YBX3: variants seen among roughly 807,000 people sequenced by gnomAD.
YBX3 encodes the protein Y-box-binding protein 3.
A neutral mutation model predicts 42.4 loss-of-function variants in YBX3; 29 were observed. The ratio of observed to expected loss-of-function variants is 0.68; its 90% CI spans 0.51 to 0.93. The LOEUF is 0.93. Among genes scored for constraint, YBX3 ranks in the 40% least tolerant of loss-of-function variants. The probability of loss-of-function intolerance (pLI) is 0.00; values close to 1 mark genes in which losing one functional copy is unlikely to be tolerated. For missense variants in YBX3, 517 were observed against 527.5 expected (o/e 0.98, Z 0.19); for synonymous variants, 195 against 189.8 (o/e 1.03, Z -0.22).
In YBX3 at chr12:10,710,401, A is replaced by T; in HGVS notation, c.574-287T>A. On this transcript the variant is annotated intron_variant, in intron 5 of 9. Coordinates refer to ENST00000228251, the MANE Select transcript of YBX3 (RefSeq NM_003651.5). ...ATCTCATTAGAACTCGTATCAGCTA[A>T]CCAACCACCCGAAGAGTATCTGCAA... is the stretch of plus-strand genomic sequence containing the variant. 4 of 1,334,104 alleles carry T rather than the reference A, an allele frequency of 3.0e-6. No homozygotes were observed. The East Asian group carries it at 1.0e-4, about 34-fold the overall frequency. 82.6% of individuals were successfully genotyped at this position (1,334,104 alleles called of 1,614,324 possible).
chr12:10,710,666 TTC>T, intron 5 of YBX3: 3 of 993,196 alleles, frequency 3.0e-6, no homozygotes, highest in Non-Finnish European at 4.2e-6. Flanking sequence ...TTCCCAGGCA[TTC>T]TCTCAGAAGT....
At chr12:10,719,233 CTAAACA>C in intron 1 of YBX3, 90 bp from the exon 2 acceptor site, 2 of 1,032,788 alleles carry the variant, frequency 1.9e-6, no homozygotes, top group Non-Finnish European at 2.9e-6. Context: ...TAGACAAAGC[CTAAACA>C]TACCTAAAGA....
At chr12:10,700,957 T>C (rs1456765589) in intron 9 of YBX3, among the ~76,000 whole-genome samples, 3 of 152,228 alleles carry the variant, frequency 2.0e-5, no homozygotes, top group Non-Finnish European at 4.4e-5. Context: ...TTAGGGACTT[T>C]TAGCATCAGT....
At chr12:10,703,920 T>C (rs907198652) in intron 7 of YBX3, 131 bp downstream of exon 7, 31 of 794,910 alleles carry the variant, frequency 3.9e-5, no homozygotes, top group African/African-American at 5.1e-5. Flanking sequence ...ACCTGAAAAC[T>C]CTGGCATGTA....
At chr12:10,719,043 A>G (rs1948294987) in intron 2 of YBX3, 37 bp downstream of exon 2, 2 of 1,585,394 alleles carry the variant, frequency 1.3e-6, no homozygotes, top group Middle Eastern at 3.3e-4. Context: ...CAATGTAAGT[A>G]TAAACTTAAA....
chr12:10,715,766 ATTC>A lies in YBX3; in HGVS notation c.375_377del (p.Lys125del). On this transcript the variant is annotated inframe_deletion, in exon 4 of 10. Coordinates refer to ENST00000228251, the MANE Select transcript of YBX3 (RefSeq NM_003651.5). ...CACTGCGCAGATATTTCCGTGGGTT[ATTC>A]TTCTTGATGGCAGTCTGGAAAGAGA... 1.9e-6 allele frequency: 3 copies of A among 1,614,016 alleles called. No individual in the cohort carries two copies. The highest frequency in any genetic ancestry group is 2.5e-6 in the Non-Finnish European group (3 of 1,179,938).
intron 6 of YBX3, among the ~76,000 whole-genome samples, chr12:10,709,508 C>T (rs934618207): frequency 6.6e-6 from 1 of 152,166 alleles, no homozygotes; most frequent in African/African-American, 2.4e-5. Context: ...GCATTTAATG[C>T]CCCCACTTAA....
At chr12:10,703,219 A>G (rs564150948) in intron 7 of YBX3, 1 of 152,442 alleles carries the variant, frequency 6.6e-6, no homozygotes, top group South Asian at 2.1e-4. Context: ...TATACTTTTT[A>G]TCCTTCAATA....
In YBX3 at chr12:10,699,478, A is replaced by G. The variant is rs913325142; in HGVS notation, c.*211T>C. The G allele has an allele frequency of 6.6e-6, 1 of 152,628 alleles. No homozygotes were observed. The highest frequency in any genetic ancestry group is 6.5e-5 in the Admixed American group (1 of 15,284). 9.5% of individuals were successfully genotyped at this position (152,628 alleles called of 1,614,324 possible). ...AATTCCCAGGTTCTCAGCTTGCTGG[A>G]AAAATTTGTTGACATTTTCTTTTTG... On this transcript the variant is annotated 3_prime_UTR_variant, in exon 10 of 10. Transcript: ENST00000228251.
chr12:10,713,300 C>T lies in YBX3; in HGVS notation c.484G>A (p.Gly162Arg), dbSNP rs765507829. 1 of 1,613,992 alleles carries T rather than the reference C, an allele frequency of 6.2e-7. No individual in the cohort carries two copies. Among genetic ancestry groups the T allele is most frequent in the East Asian group, 2.2e-5 (1 of 44,870 alleles). The change falls in exon 5 of 10, where the codon GGA becomes AGA. Residue 162 changes from glycine (G) to arginine (R), a missense_variant. Gly to Arg is a moderately radical substitution (Grantham distance 125, BLOSUM62 -2). This residue lies in a region of YBX3 where 420 missense variants were observed against 408.5 expected (regional missense o/e 1.03). Coordinates refer to ENST00000228251, the MANE Select transcript of YBX3 (RefSeq NM_003651.5). The part of the protein sequence containing the change: ...AEAANVTGPD[G>R]VPVEGSRYAA... ...TAACGACTCCCTTCCACAGGAACTC[C>T]ATCCGGGCCAGTCACATTGGCAGCT...
intron 5 of YBX3, 149 bp from the exon 6 acceptor site, chr12:10,710,263 T>G: frequency 6.6e-7 from 1 of 1,515,272 alleles, no homozygotes; most frequent in Non-Finnish European, 8.8e-7. Context: ...TTAACCCAGA[T>G]TATCATGTGA....
intron 4 of YBX3, 58 bp from the exon 5 acceptor site, chr12:10,713,391 A>T: frequency 6.3e-7 from 1 of 1,584,880 alleles, no homozygotes; most frequent in South Asian, 1.1e-5. Flanking sequence ...CTAACTCAAA[A>T]AACAGCCTTG....
Position 10,715,575 on chromosome 12 carries a change from T to C in YBX3, c.450+119A>G, listed in dbSNP as rs1035149704. The C allele has an allele frequency of 4.5e-5, 42 of 937,760 alleles. No individual in the cohort carries two copies. The African/African-American group carries it at 6.5e-4, about 15-fold the overall frequency. 58.1% of individuals were successfully genotyped at this position (937,760 alleles called of 1,614,324 possible). ...AAAAAAAATTCTGTTTAAAAGTCAC[T>C]TCCTGCTATTGTACAAAAATTCCAA... is the stretch of plus-strand genomic sequence containing the variant. On this transcript the variant is annotated intron_variant, in intron 4 of 9. Transcript: ENST00000228251.
In YBX3 at chr12:10,723,017, G is replaced by A. The variant is rs1948351069; in HGVS notation, c.95C>T (p.Pro32Leu). Residue 32 changes from proline (P) to leucine (L), a missense_variant, in exon 1 of 10, where the codon CCC becomes CTC. Pro to Leu is a moderately conservative substitution (Grantham distance 98, BLOSUM62 -3). Transcript: ENST00000228251. ...CGCACCGCTGCCCACCGGGCTCTTGGGCGCGGGGTCCTGGGGAGCCGCGGC... is the reference window on the plus strand; with the variant it reads ...CGCACCGCTGCCCACCGGGCTCTTGAGCGCGGGGTCCTGGGGAGCCGCGGC... ...AAAAAPQDPA[P>L]KSPVGSGAPQ... The A allele has an allele frequency of 5.8e-6, 7 of 1,208,450 alleles. No homozygotes were observed. The highest frequency in any genetic ancestry group is 3.2e-5 in the African/African-American group (2 of 62,948). 74.9% of individuals were successfully genotyped at this position (1,208,450 alleles called of 1,614,324 possible).
intron 2 of YBX3, among the ~76,000 whole-genome samples, chr12:10,718,589 A>G (rs1454851609): frequency 1.3e-5 from 2 of 152,194 alleles, no homozygotes; most frequent in Non-Finnish European, 2.9e-5. Context: ...GAAAATGCCG[A>G]TATCATGTGA....
chr12:10,715,641 T>C, intron 4 of YBX3, 53 bp downstream of exon 4: 6 of 1,452,618 alleles, frequency 4.1e-6, no homozygotes, highest in Non-Finnish European at 5.8e-6. Context: ...TAATTTATTG[T>C]GCAACAGTAC....
intron 5 of YBX3, chr12:10,710,839 C>A: frequency 5.8e-6 from 1 of 172,162 alleles, no homozygotes; most frequent in Non-Finnish European, 1.3e-5. Context: ...TATTTTTTTT[C>A]CATAAAAACT....
At chr12:10,710,269 T>C (rs1322638154) in intron 5 of YBX3, 155 bp from the exon 6 acceptor site, 3 of 1,509,024 alleles carry the variant, frequency 2.0e-6, no homozygotes, top group Non-Finnish European at 2.6e-6. Flanking sequence ...CAGATTATCA[T>C]GTGATTGCCT....
chr12:10,704,028 C>T (rs762946283), intron 7 of YBX3, 23 bp downstream of exon 7: 4 of 1,609,474 alleles, frequency 2.5e-6, no homozygotes, highest in Non-Finnish European at 3.4e-6. Context: ...TTTAACTGGC[C>T]ATTAGTGGAA....
Sources: gnomAD v4.1 joint callset for allele counts (sites outside exome capture counted in the v4.1 genomes callset) on GRCh38, gnomAD v4.1.1 for gene constraint, gnomAD v4.1.1 regional missense constraint, MANE v1.5 for transcripts, NCBI Gene and HGNC (gene_info 2026-07-23, HGNC 2026-07-21) for gene names.